Variants in ABL1 observed in about 807,000 individuals in gnomAD.
The protein encoded by ABL1 is ABL proto-oncogene 1, non-receptor tyrosine kinase.
ABL1 carries 11 observed loss-of-function variants against 94.7 expected under a neutral mutation model. The observed-to-expected ratio is 0.12, with a 90% CI of 0.07 to 0.19. The LOEUF is 0.19. ABL1 is among the 10% of genes least tolerant of loss of function. The pLI is 1.00. For synonymous variants in ABL1, 656 were observed against 622.4 expected, an observed-to-expected ratio of 1.05 and a Z score of -0.80; for missense variants, 1,082 against 1,489.4, an observed-to-expected ratio of 0.73 and a Z score of 4.50.
intron 1 of ABL1, among the ~76,000 whole-genome samples, chr9:130,849,637 A>G (rs184550916): frequency 6.6e-6 from 1 of 151,664 alleles, no homozygotes; most frequent in East Asian, 1.9e-4. Context: ...TCCTGCCTCA[A>G]CTCCTTAGCA....
At chr9:130,717,968 C>T (rs527325557) in intron 1 of ABL1, among the ~76,000 whole-genome samples, 5 of 147,490 alleles carry the variant, frequency 3.4e-5, no homozygotes, top group Admixed American at 6.9e-5. Flanking sequence ...GACGAGATCA[C>T]GCCATTGCAC....
upstream of ABL1, among the ~76,000 whole-genome samples, chr9:130,831,570 AT>A (rs1178801900): frequency 6.6e-6 from 1 of 152,160 alleles, no homozygotes; most frequent in East Asian, 1.9e-4. Context: ...CCCAGTGAAA[AT>A]AAGCAACTCT....
intron 1 of ABL1, among the ~76,000 whole-genome samples, chr9:130,808,819 T>C (rs34886306): frequency 0.036 from 5,429 of 152,174 alleles, 304 homozygotes; most frequent in African/African-American, 0.12. Flanking sequence ...TGTCCACACA[T>C]GATTGGCTAA....
At chr9:130,865,563 A>G (rs537690886) in intron 4 of ABL1, among the ~76,000 whole-genome samples, 4 of 152,284 alleles carry the variant, frequency 2.6e-5, no homozygotes, top group East Asian at 3.9e-4. Flanking sequence ...CCTGGGCAAC[A>G]TGGCAAAACT....
At chr9:130,866,064 G>A (rs1831150949) in intron 4 of ABL1, among the ~76,000 whole-genome samples, 1 of 152,098 alleles carries the variant, frequency 6.6e-6, no homozygotes, top group South Asian at 2.1e-4. Context: ...AATATAGTGT[G>A]GATATTCCCC....
chr9:130,725,982 G>A (rs1326186607), intron 1 of ABL1, among the ~76,000 whole-genome samples: 3 of 150,008 alleles, frequency 2.0e-5, no homozygotes, highest in Non-Finnish European at 4.4e-5. Context: ...TCGAGTAGCT[G>A]GGACCACAGG....
intron 4 of ABL1, among the ~76,000 whole-genome samples, chr9:130,868,001 C>G (rs145482446): frequency 0.013 from 1,932 of 151,764 alleles, 48 homozygotes; most frequent in African/African-American, 0.045. Flanking sequence ...ACTCTGTCAC[C>G]CAGGCTGGAG....
In ABL1 at chr9:130,733,575, C is replaced by CTTTTTTTT. The variant is rs35185474; in HGVS notation, c.136+19135_136+19142dup. On this transcript the variant is annotated intron_variant, in intron 1 of 10. Transcript: ENST00000372348. ...CACCACTGCGCCTGGCTGTAAAGCACTTTTTTTTTTTTTTTTTTTTTTGAG... is the reference window on the plus strand; with the variant it reads ...CACCACTGCGCCTGGCTGTAAAGCACTTTTTTTTTTTTTTTTTTTTTTTTTTTTTTGAG... Among the ~76,000 whole-genome samples, 5 of 103,220 alleles carry CTTTTTTTT rather than the reference C, an allele frequency of 4.8e-5. 1 individual carries two copies. Among genetic ancestry groups the CTTTTTTTT allele is most frequent in the African/African-American group, 2.2e-4 (5 of 23,058 alleles). The allele number at this position is 103,220 out of a possible 152,430, so 67.7% of individuals were successfully genotyped here. A position where few individuals can be genotyped will look rare whatever the true frequency, so the allele number is the denominator to read the frequency against.
In ABL1 at chr9:130,885,703, G is replaced by T. The variant is rs201909318; in HGVS notation, c.*20G>T. On this transcript the variant is annotated 3_prime_UTR_variant, in exon 11 of 11. Transcript: ENST00000318560. ...AGGTAGCAGCAGTCAGGGGTCAGGT[G>T]TCAGGCCCGTCGGAGCTGCCTGCAG... The T allele has an allele frequency of 6.3e-7, 1 of 1,594,768 alleles. No homozygotes were observed. The highest frequency in any genetic ancestry group is 1.3e-5 in the African/African-American group (1 of 74,728).
Position 130,883,965 on chromosome 9 carries a change from T to C in ABL1, c.1679-4T>C. 1 of 1,604,130 alleles carries C rather than the reference T, an allele frequency of 6.2e-7. No individual in the cohort carries two copies. The highest frequency in any genetic ancestry group is 8.5e-7 in the Non-Finnish European group (1 of 1,176,296). Reference sequence around the variant, plus strand: ...AGTTGTCAGCTCTTCCCCTTGCGTTTCAGATCCTCTGGACCATGAGCCTGC... The same window carrying C: ...AGTTGTCAGCTCTTCCCCTTGCGTTCCAGATCCTCTGGACCATGAGCCTGC... On this transcript the variant is annotated splice_polypyrimidine_tract_variant and splice_region_variant and intron_variant, in intron 10 of 10. Coordinates refer to ENST00000318560, the MANE Select transcript of ABL1 (RefSeq NM_005157.6).
intron 1 of ABL1, among the ~76,000 whole-genome samples, chr9:130,739,635 A>G (rs1831791935): frequency 2.0e-5 from 3 of 152,286 alleles, no homozygotes; most frequent in African/African-American, 7.2e-5. Context: ...TTCAGGGTGC[A>G]TTTGGGTTCT....
chr9:130,845,829 C>T (rs1830759563), intron 1 of ABL1, among the ~76,000 whole-genome samples: 1 of 151,686 alleles, frequency 6.6e-6, no homozygotes, highest in South Asian at 2.1e-4. Flanking sequence ...CATTGCATTC[C>T]AACCCGGGCA....
intron 3 of ABL1, among the ~76,000 whole-genome samples, chr9:130,856,151 C>T (rs984459677): frequency 3.3e-5 from 5 of 152,276 alleles, no homozygotes; most frequent in East Asian, 1.9e-4. Flanking sequence ...TGCAATGGTG[C>T]GTTCTCGGCT....
In ABL1 at chr9:130,885,077, C is replaced by T. The variant is rs547394330; in HGVS notation, c.2787C>T (p.Gly929=). Residue 929 remains glycine, a synonymous_variant, in exon 11 of 11, where the codon GGC becomes GGT. Transcript: ENST00000318560. ...SQEAAGEAVL[G]AKTKATSLVD... ...AGGCGGCCGGGGAGGCAGTCCTGGGCGCAAAGACAAAAGCCACGAGTCTGG... is the reference window on the plus strand; with the variant it reads ...AGGCGGCCGGGGAGGCAGTCCTGGGTGCAAAGACAAAAGCCACGAGTCTGG... 1.7e-5 allele frequency: 28 copies of T among 1,609,572 alleles called. No homozygotes were observed. In the East Asian group the frequency reaches 1.8e-4, roughly 10 times the overall value.
Position 130,875,690 on chromosome 9 carries a change from C to T in ABL1, c.1270+638C>T, listed in dbSNP as rs116114280. On this transcript the variant is annotated intron_variant, in intron 7 of 10. Transcript: ENST00000318560. The stretch of plus-strand genomic sequence containing the variant: ...TAGTAATGGGTGGCTGGATCTGGAA[C>T]GGCCTCATCACATTCAGGTTTGACT... Among the ~76,000 whole-genome samples, 133 of 152,258 alleles carry T rather than the reference C, an allele frequency of 8.7e-4. 1 individual carries two copies. The highest frequency in any genetic ancestry group is 2.4e-3 in the African/African-American group (98 of 41,536).
chr9:130,880,496 T>C lies in ABL1; in HGVS notation c.1514-4T>C. 6.2e-7 allele frequency: 1 copy of C among 1,613,804 alleles called. No individual in the cohort carries two copies. ...TTTTGTTTCTGTCCCTGTATGATTC[T>C]TAGAAGTGGAAAAGGAGCTGGGGAA... is the stretch of plus-strand genomic sequence containing the variant. On this transcript the variant is annotated splice_polypyrimidine_tract_variant and splice_region_variant and intron_variant, in intron 9 of 10. Transcript: ENST00000318560. The surrounding 1 kb of genome is among the most constrained non-coding windows in gnomAD (Gnocchi z 4.4).
intron 4 of ABL1, among the ~76,000 whole-genome samples, chr9:130,867,390 T>G: frequency 6.6e-6 from 1 of 152,244 alleles, no homozygotes; most frequent in Non-Finnish European, 1.5e-5. Context: ...GGCCTTTCTC[T>G]TATTTCCAAT....
intron 1 of ABL1, among the ~76,000 whole-genome samples, chr9:130,838,017 G>C (rs979945475): frequency 6.6e-6 from 1 of 152,218 alleles, no homozygotes; most frequent in African/African-American, 2.4e-5. Context: ...AGCAACACTG[G>C]TAAACATAAA....
intron 1 of ABL1, among the ~76,000 whole-genome samples, chr9:130,850,404 C>G (rs1830837625): frequency 2.0e-5 from 3 of 152,162 alleles, no homozygotes. Flanking sequence ...TAAGTTCTCC[C>G]TCCATCTGTA....
Sources: allele counts gnomAD v4.1 joint callset (sites outside exome capture counted in the v4.1 genomes callset), GRCh38; gene constraint gnomAD v4.1.1; non-coding constraint Gnocchi (gnomAD v3.1); transcripts MANE v1.5; gene names NCBI Gene and HGNC (gene_info 2026-07-23, HGNC 2026-07-21).